The following PPP1R12C variants were observed in gnomAD, a reference collection of about 807,000 sequenced individuals.
PPP1R12C encodes protein phosphatase 1 regulatory subunit 12C.
Under a neutral mutation model 95.6 loss-of-function variants are expected in PPP1R12C, and 48 were observed. The ratio of observed to expected loss-of-function variants is 0.50; its 90% confidence interval spans 0.40 to 0.64. PPP1R12C has a LOEUF of 0.64. Ranked by LOEUF, PPP1R12C falls within the 30% of genes least tolerant of loss-of-function variation. The pLI is 0.00. For synonymous variants in PPP1R12C, 480 were observed against 460.8 expected (o/e 1.04, Z -0.53); for missense variants, 1,057 against 1,083.3 (o/e 0.98, Z 0.34).
intron 11 of PPP1R12C, 135 bp downstream of exon 11, chr19:55,095,156 A>C: frequency 9.7e-7 from 1 of 1,025,782 alleles, no homozygotes; most frequent in Non-Finnish European, 1.5e-6. Context: ...CCCCAAGAGG[A>C]ACACAGCACA....
chr19:55,108,933 C>T lies in PPP1R12C; in HGVS notation c.571+3534G>A, dbSNP rs550709240. Among the ~76,000 whole-genome samples, 8 of 152,034 alleles carry T rather than the reference C, an allele frequency of 5.3e-5. No individual in the cohort carries two copies. The East Asian group carries it at 1.5e-3, about 29-fold the overall frequency. ...GTTGGTCAGGTTGGCCTCAAACTCC[C>T]GACCTCAGGTGATCCGCCCGCCTCG... On this transcript the variant is annotated intron_variant, in intron 3 of 21. Coordinates refer to ENST00000263433, the MANE Select transcript of PPP1R12C (RefSeq NM_017607.4).
intron 3 of PPP1R12C, among the ~76,000 whole-genome samples, chr19:55,107,132 G>C (rs935087529): frequency 2.0e-5 from 3 of 151,972 alleles, no homozygotes; most frequent in African/African-American, 7.3e-5. Flanking sequence ...AAAAAAATGT[G>C]ACCAGGCACG....
At position 55,117,265 on chromosome 19, in the gene PPP1R12C, C is replaced by G; in HGVS notation, c.279G>C (p.Val93=). 1 of 1,226,900 alleles carries G rather than the reference C, an allele frequency of 8.2e-7. No homozygotes were observed. Among genetic ancestry groups the G allele is most frequent in the Non-Finnish European group, 1.0e-6 (1 of 986,134 alleles). The allele number at this position is 1,226,900 out of a possible 1,614,324, so 76.0% of individuals were successfully genotyped here. A position where few individuals can be genotyped will look rare whatever the true frequency, so the allele number is the denominator to read the frequency against. The part of the protein sequence containing the change: ...DPAAPPPARA[V]LDSTNADGIS... ...TACCGTCGGCGTTGGTGGAGTCCAG[C>G]ACGGCGCGGGCGGGCGGCGGCGCGG... is the stretch of plus-strand genomic sequence containing the variant. Residue 93 remains valine, a synonymous_variant, in exon 1 of 22, where the codon GTG becomes GTC. Coordinates refer to ENST00000263433, the MANE Select transcript of PPP1R12C (RefSeq NM_017607.4).
chr19:55,092,640 T>A lies in PPP1R12C; in HGVS notation c.1934A>T (p.Asp645Val). Residue 645 changes from aspartate (D) to valine (V), a missense_variant, in exon 17 of 22, where the codon GAC becomes GTC. This residue lies in a region of PPP1R12C where 347 missense variants were observed against 307.9 expected (regional missense o/e 1.13). Transcript: ENST00000263433. The stretch of plus-strand genomic sequence containing the variant: ...CCCCTACCTGGACTCCTGGCTGCGG[T>A]CAGCCGGCTCCGCCTCCTCCCCCTG... ...PAEGEEAEPADRSQESSTLEG... is the reference protein window; with the variant it reads ...PAEGEEAEPAVRSQESSTLEG... The A allele has an allele frequency of 6.6e-7, 1 of 1,504,848 alleles. No homozygotes were observed. The highest frequency in any genetic ancestry group is 1.4e-5 in the African/African-American group (1 of 71,756). 93.2% of individuals were successfully genotyped at this position (1,504,848 alleles called of 1,614,324 possible). A position where few individuals can be genotyped will look rare whatever the true frequency, so the allele number is the denominator to read the frequency against.
Position 55,094,799 on chromosome 19 carries a change from C to G in PPP1R12C, c.1455-1G>C. 2 of 1,590,384 alleles carry G rather than the reference C, an allele frequency of 1.3e-6. No homozygotes were observed. The highest frequency in any genetic ancestry group is 1.7e-6 in the Non-Finnish European group (2 of 1,171,120). The stretch of plus-strand genomic sequence containing the variant: ...AGGAGGAGGCTTGGTGACCTCAGAC[C>G]TGCATCAATTCATTCATTCCACAAA... On this transcript the variant is annotated splice_acceptor_variant, in intron 11 of 21. Coordinates refer to ENST00000263433, the MANE Select transcript of PPP1R12C (RefSeq NM_017607.4). LOFTEE classifies it high-confidence loss of function.
chr19:55,105,086 G>A (rs1203424593), intron 3 of PPP1R12C, among the ~76,000 whole-genome samples: 1 of 143,150 alleles, frequency 7.0e-6, no homozygotes, highest in South Asian at 2.2e-4. Context: ...TTTTTTTTGA[G>A]ACAGGACCTC....
In PPP1R12C at chr19:55,096,003, C is replaced by A. The variant is rs1418288618; in HGVS notation, c.1153+48G>T. Reference sequence around the variant, plus strand: ...CCAGTTGCCTCTAGATTCAGAGAACCCGACCCCTCCTCCCTCGGACCCAGG... The same window carrying A: ...CCAGTTGCCTCTAGATTCAGAGAACACGACCCCTCCTCCCTCGGACCCAGG... On this transcript the variant is annotated intron_variant, in intron 8 of 21. Transcript: ENST00000263433. 3 of 1,607,388 alleles carry A rather than the reference C, an allele frequency of 1.9e-6. No individual in the cohort carries two copies. In the South Asian group the frequency reaches 3.3e-5, roughly 18 times the overall value.
chr19:55,112,818 A>G, intron 1 of PPP1R12C, 23 bp from the exon 2 acceptor site: 1 of 1,610,030 alleles, frequency 6.2e-7, no homozygotes, highest in Non-Finnish European at 8.5e-7. Flanking sequence ...AACAGCCGTC[A>G]GCCGCACCTA....
At position 55,094,785 on chromosome 19, in the gene PPP1R12C, T is replaced by G; in HGVS notation, c.1468A>C (p.Lys490Gln). Residue 490 changes from lysine to glutamine, a missense_variant, in exon 12 of 22, where the codon AAG becomes CAG. Lys to Gln is a moderately conservative substitution (Grantham distance 53). Transcript: ENST00000263433. ...GAGTTCTCCAAGCAAGGAGGAGGCT[T>G]GGTGACCTCAGACCTGCATCAATTC... The part of the protein sequence containing the change: ...PEPSVLSEVT[K>Q]PPPCLENSSP... The G allele has an allele frequency of 6.3e-7, 1 of 1,598,414 alleles. No individual in the cohort carries two copies. Among genetic ancestry groups the G allele is most frequent in the Non-Finnish European group, 8.5e-7 (1 of 1,174,598 alleles).
Position 55,112,564 on chromosome 19 carries a change from G to C in PPP1R12C, c.474C>G (p.Ala158=). 2 of 1,613,278 alleles carry C rather than the reference G, an allele frequency of 1.2e-6. No homozygotes were observed. The highest frequency in any genetic ancestry group is 1.3e-5 in the African/African-American group (1 of 75,026). The change falls in exon 3 of 22, where the codon GCC becomes GCG. Residue 158 remains alanine, a synonymous_variant. Coordinates refer to ENST00000263433, the MANE Select transcript of PPP1R12C (RefSeq NM_017607.4). ...CGTCACTGTTGACGGCGGCGATGTT[G>C]GCCCCGTGGCTCAGGAGGTACCTGG... The part of the protein sequence containing the change: ...DIARYLLSHG[A]NIAAVNSDGD...
At position 55,117,547 on chromosome 19, in the gene PPP1R12C, A is replaced by ACCGC. The variant is rs1044822150; in HGVS notation, c.-8_-5dup. ...CCGGGCCATCCTCTCCGGACATCGC[A>ACCGC]CCGCCCGCCCGCCCAGCGAGCGAGC... On this transcript the variant is annotated 5_prime_UTR_variant, in exon 1 of 22. Transcript: ENST00000263433. 10 of 993,198 alleles carry ACCGC rather than the reference A, an allele frequency of 1.0e-5. No individual in the cohort carries two copies. The highest frequency in any genetic ancestry group is 6.2e-5 in the Admixed American group (1 of 16,096). The allele number at this position is 993,198 out of a possible 1,614,324, so 61.5% of individuals were successfully genotyped here.
intron 3 of PPP1R12C, 77 bp downstream of exon 3, chr19:55,112,390 C>T (rs572025522): frequency 7.5e-6 from 10 of 1,324,528 alleles, no homozygotes; most frequent in African/African-American, 2.9e-5. Flanking sequence ...GTGCCCAGGC[C>T]GCCTCTAAAG....
chr19:55,095,632 G>C, intron 9 of PPP1R12C, 29 bp from the exon 10 acceptor site: 1 of 1,531,098 alleles, frequency 6.5e-7, no homozygotes, highest in Non-Finnish European at 8.8e-7. Flanking sequence ...CTCAGTTAGA[G>C]AGAAAGGATC....
In PPP1R12C at chr19:55,094,657, T is replaced by C. The variant is rs754852821; in HGVS notation, c.1592+4A>G. On this transcript the variant is annotated splice_donor_region_variant and intron_variant, in intron 12 of 21. Coordinates refer to ENST00000263433, the MANE Select transcript of PPP1R12C (RefSeq NM_017607.4). ...GCGGCAGCTTCCTGCCCTGGCCTCT[T>C]CACCTCCGTCGGTCCCGGGAGTCCG... 5.1e-6 allele frequency: 8 copies of C among 1,583,418 alleles called. No homozygotes were observed. Among genetic ancestry groups the C allele is most frequent in the Non-Finnish European group, 6.8e-6 (8 of 1,169,438 alleles).
chr19:55,104,452 C>A (rs2085016001), intron 3 of PPP1R12C, among the ~76,000 whole-genome samples: 1 of 151,524 alleles, frequency 6.6e-6, no homozygotes, highest in Admixed American at 6.6e-5. Context: ...CCTGTAATCC[C>A]AACACTTTGG....
chr19:55,106,235 T>C (rs2085037077), intron 3 of PPP1R12C, among the ~76,000 whole-genome samples: 1 of 152,178 alleles, frequency 6.6e-6, no homozygotes, highest in African/African-American at 2.4e-5. Flanking sequence ...CATTTAGAGT[T>C]TAGTGATTGA....
chr19:55,110,131 C>T (rs986196697), intron 3 of PPP1R12C, among the ~76,000 whole-genome samples: 4 of 152,152 alleles, frequency 2.6e-5, no homozygotes, highest in South Asian at 4.1e-4. Context: ...AGGCCATTCC[C>T]GGCCTCCCTG....
At chr19:55,106,941 T>C (rs2085044860) in intron 3 of PPP1R12C, among the ~76,000 whole-genome samples, 1 of 152,144 alleles carries the variant, frequency 6.6e-6, no homozygotes, top group Non-Finnish European at 1.5e-5. Context: ...GGCTGTGATA[T>C]GGGCCTGCAG....
chr19:55,103,454 G>C lies in PPP1R12C; in HGVS notation c.686C>G (p.Ser229Cys), dbSNP rs1243832862. The stretch of plus-strand genomic sequence containing the variant: ...CTTGGCAGCAGCCACGTGCAGGGCA[G>C]AGGCGCCTGTGCGGGGGTGCCGGGC... Reference protein sequence around the residue: ...PEARHPRTGASALHVAAAKGY... With the variant: ...PEARHPRTGACALHVAAAKGY... Residue 229 changes from serine to cysteine, a missense_variant, in exon 4 of 22, where the codon TCT (serine) becomes TGT (cysteine). Coordinates refer to ENST00000263433, the MANE Select transcript of PPP1R12C (RefSeq NM_017607.4). 1 of 1,590,484 alleles carries C rather than the reference G, an allele frequency of 6.3e-7. No individual in the cohort carries two copies. Among genetic ancestry groups the C allele is most frequent in the Non-Finnish European group, 8.6e-7 (1 of 1,163,326 alleles).
Sources: gnomAD v4.1 joint callset for allele counts (sites outside exome capture counted in the v4.1 genomes callset) on GRCh38, gnomAD v4.1.1 for gene constraint, gnomAD v4.1.1 regional missense constraint, MANE v1.5 for transcripts, NCBI Gene and HGNC (gene_info 2026-07-23, HGNC 2026-07-21) for gene names.